The following CATSPERB variants were observed in gnomAD, a reference collection of about 807,000 sequenced individuals.
CATSPERB encodes catsper channel auxiliary subunit beta, also known as cation channel sperm-associated auxiliary subunit beta.
In CATSPERB, 93 loss-of-function variants were observed where a neutral mutation model predicts 128.3. The ratio of observed to expected loss-of-function variants is 0.72; its 90% CI spans 0.61 to 0.86. The LOEUF (loss-of-function observed/expected upper bound fraction) is 0.86, where lower values mean the gene tolerates loss of function less well. CATSPERB is among the 40% of genes least tolerant of loss of function. The probability of loss-of-function intolerance (pLI) is 0.00; values close to 1 mark genes in which losing one functional copy is unlikely to be tolerated. For synonymous variants in CATSPERB, 381 were observed against 448.8 expected (o/e 0.85, Z 1.91); for missense variants, 1,153 against 1,329.5 (o/e 0.87, Z 2.06).
intron 22 of CATSPERB, among the ~76,000 whole-genome samples, chr14:91,594,037 C>A (rs536312682): frequency 1.4e-4 from 21 of 152,282 alleles, no homozygotes; most frequent in African/African-American, 4.6e-4. Flanking sequence ...TAAGAAGTGC[C>A]TTTTGCATTA....
intron 11 of CATSPERB, among the ~76,000 whole-genome samples, chr14:91,677,377 C>A (rs988420516): frequency 1.3e-5 from 2 of 151,952 alleles, no homozygotes; most frequent in Non-Finnish European, 2.9e-5. Flanking sequence ...AAAAAAAATC[C>A]CATCAAAAAG....
rs1331905536 is a variant in CATSPERB, at chr14:91,587,240, A to C, written c.3094T>G (p.Ser1032Ala). The change falls in exon 26 of 27, where the codon TCA becomes GCA. Residue 1032 changes from serine (S) to alanine (A), a missense_variant. Ser to Ala is a moderately conservative substitution (Grantham distance 99). Coordinates refer to ENST00000256343, the MANE Select transcript of CATSPERB (RefSeq NM_024764.4). The part of the protein sequence containing the change: ...ELFHFRVTVI[S>A]GVTFCNLIEE... Reference sequence around the variant, plus strand: ...ATTAAGTTACAAAAAGTTACTCCTGAAATGACGGTCACTCTAAAGTGGAAA... The same window carrying C: ...ATTAAGTTACAAAAAGTTACTCCTGCAATGACGGTCACTCTAAAGTGGAAA... 6.2e-7 allele frequency: 1 copy of C among 1,606,492 alleles called. No homozygotes were observed. The highest frequency in any genetic ancestry group is 1.1e-5 in the South Asian group (1 of 89,568).
At chr14:91,688,255 G>T (rs1053272257) in intron 10 of CATSPERB, among the ~76,000 whole-genome samples, 3 of 152,164 alleles carry the variant, frequency 2.0e-5, no homozygotes, top group African/African-American at 7.2e-5. Context: ...GTCTTAAGTA[G>T]ACGGTAGATG....
chr14:91,664,135 G>A (rs1292660488), intron 14 of CATSPERB, among the ~76,000 whole-genome samples: 1 of 151,932 alleles, frequency 6.6e-6, no homozygotes, highest in Non-Finnish European at 1.5e-5. Context: ...GGCAACCACG[G>A]ATCTTCTTGC....
In CATSPERB at chr14:91,672,748, A is replaced by G. The variant is rs1048031262; in HGVS notation, c.1128+119T>C. ...ATTATTGATTTTAAATAATTTTGCT[A>G]TAGCCAATTTTATAGGTTCTATTGC... On this transcript the variant is annotated intron_variant, in intron 13 of 26. Transcript: ENST00000256343. The G allele has an allele frequency of 2.4e-5, 17 of 719,984 alleles. No homozygotes were observed. The African/African-American group carries it at 3.1e-4, about 13-fold the overall frequency. 44.6% of individuals were successfully genotyped at this position (719,984 alleles called of 1,614,324 possible).
rs1211305199 is a variant in CATSPERB at position 91,610,639 on chromosome 14, A to C, written c.2439T>G (p.Ser813=). 1.2e-6 allele frequency: 2 copies of C among 1,612,298 alleles called. No homozygotes were observed. The highest frequency in any genetic ancestry group is 2.7e-5 in the African/African-American group (2 of 74,892). ...TSLAFIMWSA[S]TECFVTTMVP... The stretch of plus-strand genomic sequence containing the variant: ...CCATTGTCGTAACAAAGCACTCAGT[A>C]GAGGCTGACCACATAATAAATGCCA... The change falls in exon 21 of 27, where the codon TCT becomes TCG. Residue 813 remains serine, a synonymous_variant. Transcript: ENST00000256343.
At chr14:91,631,036 C>T (rs1301083505) in intron 17 of CATSPERB, among the ~76,000 whole-genome samples, 4 of 152,216 alleles carry the variant, frequency 2.6e-5, no homozygotes, top group Non-Finnish European at 4.4e-5. Context: ...TGGCTCTTTG[C>T]TCTTCATTCT....
At chr14:91,654,224 C>G (rs1894752088) in intron 15 of CATSPERB, among the ~76,000 whole-genome samples, 1 of 152,348 alleles carries the variant, frequency 6.6e-6, no homozygotes, top group Non-Finnish European at 1.5e-5. Context: ...ATGATCCACA[C>G]AAGAAAGCAC....
At chr14:91,623,717 G>T (rs1894099041) in intron 18 of CATSPERB, among the ~76,000 whole-genome samples, 1 of 152,146 alleles carries the variant, frequency 6.6e-6, no homozygotes, top group South Asian at 2.1e-4. Context: ...TCTCATCACA[G>T]CAGCCAAAGT....
At chr14:91,647,240 T>A (rs1704627) in intron 15 of CATSPERB, among the ~76,000 whole-genome samples, 28,214 of 152,112 alleles carry the variant, frequency 0.19, 2,781 homozygotes, top group South Asian at 0.24. Context: ...GGGATATGTG[T>A]GAGTGTGTAT....
intron 10 of CATSPERB, among the ~76,000 whole-genome samples, chr14:91,691,192 A>G (rs1468927810): frequency 6.6e-6 from 1 of 152,170 alleles, no homozygotes; most frequent in African/African-American, 2.4e-5. Context: ...CTCTTCAGTC[A>G]AGTGTACTTG....
rs150776354 is a variant in CATSPERB at position 91,602,544 on chromosome 14, G to A, written c.2709+5750C>T. Among the ~76,000 whole-genome samples the A allele has an allele frequency of 4.5e-3, 686 of 152,200 alleles. 8 individuals carry two copies. Among genetic ancestry groups the A allele is most frequent in the African/African-American group, 0.015 (635 of 41,534 alleles). ...ACGAGAGTACATAAGAGAGATGGCA[G>A]AAGGGTTTAGAAGGAATGTCAGAGT... On this transcript the variant is annotated intron_variant, in intron 22 of 26. Coordinates refer to ENST00000256343, the MANE Select transcript of CATSPERB (RefSeq NM_024764.4).
rs1190008604 is a variant in CATSPERB at position 91,683,922 on chromosome 14, G to T, written c.886C>A (p.Leu296Met). The change falls in exon 11 of 27, where the codon CTG (leucine) becomes ATG (methionine). Residue 296 changes from leucine to methionine, a missense_variant. Physicochemically the swap from Leu to Met is conservative, Grantham distance 15 (BLOSUM62 2). Transcript: ENST00000256343. Reference sequence around the variant, plus strand: ...GCAAAACATCTTTCATTATACCACAGTTTTCCTTTCACATAGTCAACCTAC... The same window carrying T: ...GCAAAACATCTTTCATTATACCACATTTTTCCTTTCACATAGTCAACCTAC... ...FERVDYVKGKLWYNERCFANR... is the reference protein window; with the variant it reads ...FERVDYVKGKMWYNERCFANR... 2 of 1,604,854 alleles carry T rather than the reference G, an allele frequency of 1.2e-6. No individual in the cohort carries two copies. Among genetic ancestry groups the T allele is most frequent in the African/African-American group, 2.7e-5 (2 of 74,376 alleles).
chr14:91,611,926 C>T (rs1461856715), intron 20 of CATSPERB, among the ~76,000 whole-genome samples: 1 of 152,204 alleles, frequency 6.6e-6, no homozygotes, highest in Admixed American at 6.5e-5. Context: ...ACATCCAACT[C>T]ATATCGTTGA....
intron 22 of CATSPERB, among the ~76,000 whole-genome samples, chr14:91,601,299 C>G (rs143409621): frequency 5.1e-4 from 78 of 152,268 alleles, no homozygotes; most frequent in African/African-American, 1.7e-3. Context: ...CAAGACAATA[C>G]ACTTTTTCTC....
At chr14:91,691,902 G>C (rs768244011) in intron 9 of CATSPERB, among the ~76,000 whole-genome samples, 2 of 152,148 alleles carry the variant, frequency 1.3e-5, no homozygotes, top group Non-Finnish European at 2.9e-5. Flanking sequence ...AGGTGGGCCT[G>C]GCACGGTGGC....
At chr14:91,698,027 T>C (rs1159409842) in intron 7 of CATSPERB, among the ~76,000 whole-genome samples, 1 of 152,152 alleles carries the variant, frequency 6.6e-6, no homozygotes, top group Non-Finnish European at 1.5e-5. Context: ...TGTTTTTCCA[T>C]TCGTTTGTAT....
chr14:91,661,549 T>TATATATATATATATATATATATATATATA (rs1894886330), intron 14 of CATSPERB, among the ~76,000 whole-genome samples: 2 of 52,664 alleles, frequency 3.8e-5, no homozygotes, highest in Admixed American at 2.2e-4. Context: ...ATATATATAT[T>TATATATATATATATATATATATATATATA]TAAGACAGGG....
intron 15 of CATSPERB, among the ~76,000 whole-genome samples, chr14:91,659,012 T>C (rs771972706): frequency 3.9e-5 from 6 of 152,010 alleles, no homozygotes; most frequent in Non-Finnish European, 7.4e-5. Flanking sequence ...TGGGCAACTA[T>C]CATTAAGGTC....
Sources: gnomAD v4.1 joint callset for allele counts (sites outside exome capture counted in the v4.1 genomes callset) on GRCh38, gnomAD v4.1.1 for gene constraint, MANE v1.5 for transcripts, NCBI Gene and HGNC (gene_info 2026-07-23, HGNC 2026-07-21) for gene names.